The following PAPPA variants were observed in gnomAD, a reference collection of about 807,000 sequenced individuals.
PAPPA encodes the protein pappalysin-1.
A neutral mutation model predicts 164.0 loss-of-function variants in PAPPA; 60 were observed. That is an observed-to-expected ratio of 0.37 (90% CI 0.30 to 0.45). The LOEUF is 0.45. Ranked by LOEUF, PAPPA falls within the 20% of genes least tolerant of loss-of-function variation. The probability of loss-of-function intolerance (pLI) is 1.00; values close to 1 mark genes in which losing one functional copy is unlikely to be tolerated. For missense variants in PAPPA, 1,782 were observed against 2,087.3 expected, an observed-to-expected ratio of 0.85 and a Z score of 2.85; for synonymous variants, 875 against 814.1, an observed-to-expected ratio of 1.07 and a Z score of -1.27.
Position 116,379,515 on chromosome 9 carries a change from T to C in PAPPA, c.4677+1868T>C, listed in dbSNP as rs545550140. On this transcript the variant is annotated intron_variant, in intron 20 of 21. Transcript: ENST00000328252. ...AAATAGTAACTATGCTCTCCTTGAG[T>C]CATCTATGATATCTTCTTGCCTGTC... 2.0e-5 allele frequency among the ~76,000 whole-genome samples: 3 copies of C among 151,880 alleles called. No homozygotes were observed. The South Asian group carries it at 6.3e-4, about 32-fold the overall frequency.
chr9:116,394,940 G>C (rs1035456594), intron 21 of PAPPA, among the ~76,000 whole-genome samples: 4 of 152,138 alleles, frequency 2.6e-5, no homozygotes. Context: ...AGATTGACCT[G>C]GTCCCTGCCT....
At chr9:116,384,832 A>C (rs1293332645) in intron 21 of PAPPA, among the ~76,000 whole-genome samples, 1 of 152,192 alleles carries the variant, frequency 6.6e-6, no homozygotes, top group Non-Finnish European at 1.5e-5. Context: ...TGAAGTTTGT[A>C]TTTGAAATAG....
rs368872210 is a variant in PAPPA, at chr9:116,375,586, C to T, written c.4606-1990C>T. Among the ~76,000 whole-genome samples the T allele has an allele frequency of 1.1e-3, 160 of 152,220 alleles. 1 individual carries two copies. The highest frequency in any genetic ancestry group is 3.9e-3 in the African/African-American group (160 of 41,534). ...TAAAATAAATATTTATTTAGCATCC[C>T]CTCTGTCAGGCATTCCTGAAGGCAT... On this transcript the variant is annotated intron_variant, in intron 19 of 21. Coordinates refer to ENST00000328252, the MANE Select transcript of PAPPA (RefSeq NM_002581.5).
chr9:116,323,963 C>G (rs545000579), intron 10 of PAPPA, among the ~76,000 whole-genome samples: 3 of 152,274 alleles, frequency 2.0e-5, no homozygotes, highest in African/African-American at 7.2e-5. Context: ...ATTGCAGGCT[C>G]TTTCTACTGT....
At chr9:116,395,045 T>C (rs1463966320) in intron 21 of PAPPA, among the ~76,000 whole-genome samples, 1 of 152,168 alleles carries the variant, frequency 6.6e-6, no homozygotes, top group Non-Finnish European at 1.5e-5. Context: ...ACTTAGCATA[T>C]GTCAAGCACT....
At chr9:116,198,171 C>A (rs1844129919) in intron 2 of PAPPA, among the ~76,000 whole-genome samples, 1 of 152,146 alleles carries the variant, frequency 6.6e-6, no homozygotes, top group Non-Finnish European at 1.5e-5. Flanking sequence ...GGGAAGAGAG[C>A]TGTGGGCCCT....
chr9:116,227,288 G>A, intron 5 of PAPPA, 143 bp from the exon 6 acceptor site: 1 of 850,452 alleles, frequency 1.2e-6, no homozygotes, highest in Non-Finnish European at 1.9e-6. Context: ...GTTATTTCCA[G>A]AAGCCTTGGC....
chr9:116,267,881 C>CAAAAAAAAAA (rs61670954), intron 8 of PAPPA, among the ~76,000 whole-genome samples: 1 of 57,592 alleles, frequency 1.7e-5, no homozygotes, highest in Non-Finnish European at 3.3e-5. Flanking sequence ...GACTCCGTCT[C>CAAAAAAAAAA]AAAAAAAAAA....
intron 13 of PAPPA, among the ~76,000 whole-genome samples, chr9:116,342,551 C>T (rs1266705906): frequency 1.3e-5 from 2 of 152,124 alleles, no homozygotes; most frequent in South Asian, 2.1e-4. Flanking sequence ...CCCCCGCCTC[C>T]AGACTTTATT....
In PAPPA at chr9:116,353,121, C is replaced by T. The variant is rs937356146; in HGVS notation, c.4175+205C>T. 2.6e-5 allele frequency among the ~76,000 whole-genome samples: 4 copies of T among 152,148 alleles called. No individual in the cohort carries two copies. The South Asian group carries it at 8.3e-4, about 32-fold the overall frequency. ...CAAACTTTAAGTTTCAGCTTGGCTG[C>T]CTAATGGCAATGTGATCTCAGACAA... On this transcript the variant is annotated intron_variant, in intron 16 of 21. Transcript: ENST00000328252.
chr9:116,357,359 T>C (rs1303351216), intron 17 of PAPPA, among the ~76,000 whole-genome samples: 3 of 152,248 alleles, frequency 2.0e-5, no homozygotes, highest in African/African-American at 7.2e-5. Flanking sequence ...CTTTAAACCA[T>C]GACAGAGAAC....
Position 116,220,046 on chromosome 9 carries a change from C to T in PAPPA, c.2028C>T (p.Ala676=). The stretch of plus-strand genomic sequence containing the variant: ...CCTCCAGGAAACCAGCGCCTGTTGC[C>T]CTCGCCCCCCAAGTTCTGGGCCACA... ...WQPSRKPAPV[A]LAPQVLGHTT... is the part of the protein sequence containing the mutation. Residue 676 remains alanine (A), a synonymous_variant, in exon 5 of 22, where the codon GCC becomes GCT. Coordinates refer to ENST00000328252, the MANE Select transcript of PAPPA (RefSeq NM_002581.5). 4 of 1,614,116 alleles carry T rather than the reference C, an allele frequency of 2.5e-6. No individual in the cohort carries two copies. Among genetic ancestry groups the T allele is most frequent in the Non-Finnish European group, 3.4e-6 (4 of 1,180,020 alleles).
At chr9:116,362,322 A>C (rs1846438181) in intron 17 of PAPPA, among the ~76,000 whole-genome samples, 1 of 152,150 alleles carries the variant, frequency 6.6e-6, no homozygotes, top group Admixed American at 6.5e-5. Context: ...CTGAAAGACT[A>C]CTAAGCTCGG....
intron 9 of PAPPA, among the ~76,000 whole-genome samples, chr9:116,277,887 C>G (rs1845220577): frequency 6.6e-6 from 1 of 152,184 alleles, no homozygotes; most frequent in African/African-American, 2.4e-5. Flanking sequence ...AGGCTAGTCT[C>G]AAACTCCTGA....
At chr9:116,335,198 A>C in intron 13 of PAPPA, 124 bp downstream of exon 13, 1 of 784,428 alleles carries the variant, frequency 1.3e-6, no homozygotes, top group Non-Finnish European at 2.1e-6. Context: ...TTCTCCATCC[A>C]TCCTCTGGCC....
At chr9:116,363,143 G>A (rs957888074) in intron 18 of PAPPA, among the ~76,000 whole-genome samples, 2 of 152,196 alleles carry the variant, frequency 1.3e-5, no homozygotes, top group Non-Finnish European at 2.9e-5. Context: ...TAGCAGTCTG[G>A]TGCAGCTTCT....
At chr9:116,362,762 G>A in intron 18 of PAPPA, 23 bp downstream of exon 18, 2 of 1,604,940 alleles carry the variant, frequency 1.2e-6, no homozygotes, top group Non-Finnish European at 8.5e-7. Context: ...CGAGAGGGGA[G>A]CAGTAGGAGG....
chr9:116,237,829 C>T, intron 7 of PAPPA, among the ~76,000 whole-genome samples: 1 of 152,002 alleles, frequency 6.6e-6, no homozygotes, highest in East Asian at 1.9e-4. Flanking sequence ...AAGCAATTCT[C>T]CTGCCTCAGC....
In PAPPA at chr9:116,187,302, C is replaced by A. The variant is rs1460576992; in HGVS notation, c.564C>A (p.His188Gln). ...GGCAAGTGACCACCATCAATGCCCA[C>A]CGCAGCTACCTCCCAGGCCAGTGGG... is the stretch of plus-strand genomic sequence containing the variant. ...RARQVTTINA[H>Q]RSYLPGQWVY... Residue 188 changes from histidine to glutamine, a missense_variant, in exon 2 of 22, where the codon CAC becomes CAA. Transcript: ENST00000328252. The surrounding 1 kb of genome is among the most constrained non-coding windows in gnomAD (Gnocchi z 4.2). 1.2e-6 allele frequency: 2 copies of A among 1,614,200 alleles called. No homozygotes were observed. Among genetic ancestry groups the A allele is most frequent in the Non-Finnish European group, 1.7e-6 (2 of 1,180,048 alleles).
Sources: gnomAD v4.1 joint callset for allele counts (sites outside exome capture counted in the v4.1 genomes callset) on GRCh38, gnomAD v4.1.1 for gene constraint, Gnocchi (gnomAD v3.1) non-coding constraint, MANE v1.5 for transcripts, NCBI Gene and HGNC (gene_info 2026-07-23, HGNC 2026-07-21) for gene names.